Variants in PARD3 observed in about 807,000 individuals in gnomAD.
PARD3 encodes the protein partitioning defective 3 homolog.
PARD3 carries 75 observed loss-of-function variants against 155.4 expected under a neutral mutation model. The observed-to-expected ratio is 0.48, with a 90% CI of 0.40 to 0.58. The LOEUF is 0.58. Among genes scored for constraint, PARD3 ranks in the 20% least tolerant of loss-of-function variants. PARD3 has a pLI of 0.00. For synonymous variants in PARD3, 576 were observed against 610.5 expected, an observed-to-expected ratio of 0.94 and a Z score of 0.83; for missense variants, 1,642 against 1,721.7, an observed-to-expected ratio of 0.95 and a Z score of 0.82.
rs1432706455 is a variant in PARD3 at position 34,382,865 on chromosome 10, A to G, written c.1074T>C (p.Val358=). The change falls in exon 9 of 25, where the codon GTT becomes GTC. Residue 358 remains valine (V), a synonymous_variant. Transcript: ENST00000374788. ...CATACTGCTCTTTATTTGCTGCAGGAACCACATGGAACCAAATGATGGGTG... is the reference window on the plus strand; with the variant it reads ...CATACTGCTCTTTATTTGCTGCAGGGACCACATGGAACCAAATGATGGGTG... ...MRTPIIWFHV[V]PAANKEQYEQ... is the part of the protein sequence containing the mutation. The G allele has an allele frequency of 1.9e-6, 3 of 1,614,180 alleles. No individual in the cohort carries two copies.
intron 22 of PARD3, among the ~76,000 whole-genome samples, chr10:34,162,984 G>T (rs1201986908): frequency 6.6e-6 from 1 of 152,016 alleles, no homozygotes; most frequent in Non-Finnish European, 1.5e-5. Context: ...TCAGCAAGTA[G>T]GGTTCTGAGT....
chr10:34,738,776 AG>A (rs2094958898), intron 1 of PARD3, among the ~76,000 whole-genome samples: 1 of 152,082 alleles, frequency 6.6e-6, no homozygotes, highest in Admixed American at 6.6e-5. Context: ...AGAAGAGGTC[AG>A]GGGGAGGATG....
In PARD3 at chr10:34,359,298, T is replaced by C. The variant is rs1375562493; in HGVS notation, c.1916A>G (p.Asn639Ser). Residue 639 changes from asparagine (N) to serine (S), a missense_variant, in exon 14 of 25, where the codon AAT becomes AGT. This residue lies in a region of PARD3 where 1,529 missense variants were observed against 1,587.3 expected (regional missense o/e 0.96). Transcript: ENST00000374788. The stretch of plus-strand genomic sequence containing the variant: ...TCCATTTACTGCTATCAGTTGATCA[T>C]TCACCCGAAGCCTTCCATCCTGGGA... Reference protein sequence around the residue: ...AASKDGRLRVNDQLIAVNGES... With the variant: ...AASKDGRLRVSDQLIAVNGES... The C allele has an allele frequency of 6.2e-7, 1 of 1,613,768 alleles. No individual in the cohort carries two copies. The highest frequency in any genetic ancestry group is 1.1e-5 in the South Asian group (1 of 91,036).
At chr10:34,454,533 A>C (rs1361378617) in intron 4 of PARD3, among the ~76,000 whole-genome samples, 1 of 152,194 alleles carries the variant, frequency 6.6e-6, no homozygotes, top group Non-Finnish European at 1.5e-5. Flanking sequence ...TTTTAAATCA[A>C]ATATACATAA....
intron 1 of PARD3, among the ~76,000 whole-genome samples, chr10:34,743,541 CA>C (rs2133897995): frequency 6.6e-6 from 1 of 152,338 alleles, no homozygotes; most frequent in Admixed American, 6.5e-5. Flanking sequence ...CACTAAATTT[CA>C]GGTCCGAAAA....
intron 2 of PARD3, among the ~76,000 whole-genome samples, chr10:34,601,435 C>T (rs1197594536): frequency 6.6e-6 from 1 of 152,174 alleles, no homozygotes; most frequent in Admixed American, 6.5e-5. Context: ...AGTGAGAACC[C>T]GTCGTTCATT....
intron 20 of PARD3, among the ~76,000 whole-genome samples, chr10:34,285,999 T>C (rs1375758340): frequency 6.6e-6 from 1 of 152,136 alleles, no homozygotes; most frequent in Non-Finnish European, 1.5e-5. Context: ...AGAACTGAAA[T>C]CCAGAATCTG....
chr10:34,315,498 C>T (rs1236170138), intron 20 of PARD3, among the ~76,000 whole-genome samples: 2 of 152,156 alleles, frequency 1.3e-5, no homozygotes, highest in Non-Finnish European at 2.9e-5. Flanking sequence ...CAGGAGAGCC[C>T]CTGGAAGAGA....
intron 19 of PARD3, among the ~76,000 whole-genome samples, chr10:34,319,828 G>A (rs981509061): frequency 2.0e-5 from 3 of 152,072 alleles, no homozygotes; most frequent in African/African-American, 7.2e-5. Flanking sequence ...TATGGGTGTG[G>A]CCACAAATGT....
At chr10:34,528,224 C>A (rs1423966297) in intron 2 of PARD3, among the ~76,000 whole-genome samples, 2 of 152,096 alleles carry the variant, frequency 1.3e-5, no homozygotes, top group African/African-American at 4.8e-5. Flanking sequence ...AATACTAGTG[C>A]CATCTAATGG....
intron 3 of PARD3, among the ~76,000 whole-genome samples, chr10:34,489,183 C>G (rs972074235): frequency 6.6e-6 from 1 of 152,052 alleles, no homozygotes; most frequent in Non-Finnish European, 1.5e-5. Flanking sequence ...ACTAAAAATA[C>G]AAAAATTAGT....
Position 34,174,135 on chromosome 10 carries a change from A to G in PARD3, c.3420-42552T>C, listed in dbSNP as rs535124331. Reference sequence around the variant, plus strand: ...AAGCATAACGATGCTTCATTAGGAAAATGTACTTCAGCATACACGTGGCCA... The same window carrying G: ...AAGCATAACGATGCTTCATTAGGAAGATGTACTTCAGCATACACGTGGCCA... On this transcript the variant is annotated intron_variant, in intron 22 of 24. Coordinates refer to ENST00000374788, the MANE Select transcript of PARD3 (RefSeq NM_001184785.2). Among the ~76,000 whole-genome samples the G allele has an allele frequency of 1.1e-4, 16 of 152,304 alleles. No homozygotes were observed. The South Asian group carries it at 3.1e-3, about 30-fold the overall frequency.
In PARD3 at chr10:34,656,163, C is replaced by T. The variant is rs576144615; in HGVS notation, c.222+40155G>A. On this transcript the variant is annotated intron_variant, in intron 2 of 24. Transcript: ENST00000374788. ...TTGTTAAACTTACTTAACACCACTG[C>T]CCCCCATAAACCACAAAAATTGTAA... Among the ~76,000 whole-genome samples the T allele has an allele frequency of 1.1e-4, 17 of 152,176 alleles. No individual in the cohort carries two copies. The South Asian group carries it at 3.5e-3, about 32-fold the overall frequency.
At chr10:34,636,080 A>AGAAGGAAGAAGGAAGGAAGACG (rs1564444714) in intron 2 of PARD3, among the ~76,000 whole-genome samples, 2 of 151,886 alleles carry the variant, frequency 1.3e-5, no homozygotes, top group Admixed American at 6.6e-5. Flanking sequence ...GAAGGAAGGA[A>AGAAGGAAGAAGGAAGGAAGACG]GAAGGAAGAA....
chr10:34,225,155 G>A (rs1952521780), intron 22 of PARD3, among the ~76,000 whole-genome samples: 1 of 152,160 alleles, frequency 6.6e-6, no homozygotes, highest in Admixed American at 6.5e-5. Context: ...AGGGAACACA[G>A]ACATATACAC....
intron 2 of PARD3, among the ~76,000 whole-genome samples, chr10:34,636,739 G>A (rs2490811): frequency 0.35 from 53,636 of 152,016 alleles, 9,751 homozygotes; most frequent in South Asian, 0.43. Context: ...CATGCCTGGA[G>A]AAAAGGTGGG....
chr10:34,492,128 TATTTG>T (rs1466404728), intron 3 of PARD3, among the ~76,000 whole-genome samples: 3 of 152,220 alleles, frequency 2.0e-5, no homozygotes, highest in Non-Finnish European at 4.4e-5. Context: ...TGATCAATCT[TATTTG>T]ATTTTACAAA....
rs773065182 is a variant in PARD3, at chr10:34,152,709, T to A, written c.3420-21126A>T. Among the ~76,000 whole-genome samples, 32 of 152,344 alleles carry A rather than the reference T, an allele frequency of 2.1e-4. 1 individual carries two copies. Among genetic ancestry groups the A allele is most frequent in the South Asian group, 4.1e-4 (2 of 4,824 alleles). On this transcript the variant is annotated intron_variant, in intron 22 of 24. Coordinates refer to ENST00000374788, the MANE Select transcript of PARD3 (RefSeq NM_001184785.2). ...ATTCAATCATTTCCCAGATAATTGA[T>A]AGAACTGGCATAGAACAGTATCCAG...
chr10:34,363,205 G>A (rs1839623200), intron 12 of PARD3, among the ~76,000 whole-genome samples: 2 of 152,064 alleles, frequency 1.3e-5, no homozygotes, highest in Admixed American at 1.3e-4. Context: ...TTTCCTACTT[G>A]AAAGATCAGG....
Sources: gnomAD v4.1 joint callset for allele counts (sites outside exome capture counted in the v4.1 genomes callset) on GRCh38, gnomAD v4.1.1 for gene constraint, gnomAD v4.1.1 regional missense constraint, MANE v1.5 for transcripts, NCBI Gene and HGNC (gene_info 2026-07-23, HGNC 2026-07-21) for gene names.